Variants in MAP3K20 observed in about 807,000 individuals in gnomAD.
MAP3K20 encodes HCCS-4.
A neutral mutation model predicts 85.7 loss-of-function variants in MAP3K20; 40 were observed. The observed-to-expected ratio is 0.47, with a 90% confidence interval of 0.36 to 0.61. The LOEUF (loss-of-function observed/expected upper bound fraction) is 0.61, where lower values mean the gene tolerates loss of function less well. MAP3K20 is among the 20% of genes least tolerant of loss of function. MAP3K20 has a pLI of 0.00. For synonymous variants in MAP3K20, 325 were observed against 327.7 expected, an observed-to-expected ratio of 0.99 and a Z score of 0.09; for missense variants, 817 against 961.7, an observed-to-expected ratio of 0.85 and a Z score of 1.99.
rs1022265394 is a variant in MAP3K20, at chr2:173,222,946, A to C, written c.987+5696A>C. The C allele has an allele frequency of 9.8e-5, 97 of 985,256 alleles. 1 individual carries two copies. In the African/African-American group the frequency reaches 1.5e-3, roughly 15 times the overall value. 61.0% of individuals were successfully genotyped at this position (985,256 alleles called of 1,614,324 possible). ...CTTTTTTCAAACTAAATTAGAAAGG[A>C]GTGTCATTATTTGACTGTTAAACCA... On this transcript the variant is annotated intron_variant, in intron 11 of 19. Transcript: ENST00000375213.
intron 10 of MAP3K20, chr2:173,214,461 C>T (rs541214277): frequency 3.9e-5 from 6 of 152,222 alleles, no homozygotes; most frequent in African/African-American, 7.2e-5. Context: ...TTGTGTTTCC[C>T]GTGGTGACCA....
intron 2 of MAP3K20, among the ~76,000 whole-genome samples, chr2:173,105,344 A>G (rs1687753992): frequency 6.6e-6 from 1 of 152,204 alleles, no homozygotes; most frequent in Non-Finnish European, 1.5e-5. Flanking sequence ...AAAATAATCA[A>G]GGACGTCTCA....
At chr2:173,202,891 G>A (rs1234601900) in intron 8 of MAP3K20, among the ~76,000 whole-genome samples, 1 of 152,160 alleles carries the variant, frequency 6.6e-6, no homozygotes, top group East Asian at 1.9e-4. Flanking sequence ...ATTCTGCAGA[G>A]TTCAGTGTAT....
At chr2:173,155,422 G>A (rs746731601) in intron 2 of MAP3K20, among the ~76,000 whole-genome samples, 1 of 152,194 alleles carries the variant, frequency 6.6e-6, no homozygotes, top group Non-Finnish European at 1.5e-5. Context: ...AGGTTTTGCT[G>A]TCTTGTTCAC....
chr2:173,110,815 C>T (rs1450686459), intron 2 of MAP3K20, among the ~76,000 whole-genome samples: 1 of 152,104 alleles, frequency 6.6e-6, no homozygotes, highest in East Asian at 1.9e-4. Flanking sequence ...TTTCTTTATC[C>T]ACTCGTTGAT....
At chr2:173,121,376 A>G (rs138885983) in intron 2 of MAP3K20, among the ~76,000 whole-genome samples, 1 of 152,262 alleles carries the variant, frequency 6.6e-6, no homozygotes, top group Non-Finnish European at 1.5e-5. Flanking sequence ...GAAACATTAC[A>G]GGCAGGGAAA....
chr2:173,261,351 C>T (rs1382041973), intron 18 of MAP3K20, among the ~76,000 whole-genome samples: 4 of 152,152 alleles, frequency 2.6e-5, no homozygotes, highest in African/African-American at 4.8e-5. Context: ...ACCCAGATAG[C>T]GACTGAGGTA....
At chr2:173,086,347 G>A (rs867561084) in intron 1 of MAP3K20, among the ~76,000 whole-genome samples, 8 of 151,980 alleles carry the variant, frequency 5.3e-5, no homozygotes, top group Middle Eastern at 3.2e-3. Flanking sequence ...GATTCTTAAA[G>A]GAGAGAAAAC....
chr2:173,144,339 T>A (rs1048411199), intron 2 of MAP3K20, among the ~76,000 whole-genome samples: 2 of 151,378 alleles, frequency 1.3e-5, no homozygotes, highest in Admixed American at 1.3e-4. Context: ...GGTGGGCACC[T>A]GTAGTCCCAG....
intron 8 of MAP3K20, among the ~76,000 whole-genome samples, chr2:173,199,668 T>TG (rs1479633824): frequency 6.7e-6 from 1 of 150,316 alleles, no homozygotes; most frequent in East Asian, 1.9e-4. Context: ...GGTTGTTTTT[T>TG]TTTTTTTTTC....
chr2:173,142,133 A>G (rs1688991335), intron 2 of MAP3K20, among the ~76,000 whole-genome samples: 1 of 152,204 alleles, frequency 6.6e-6, no homozygotes, highest in South Asian at 2.1e-4. Flanking sequence ...GCTAAAAGGA[A>G]AGTTGCAGTG....
chr2:173,191,528 A>C (rs1690650759), intron 7 of MAP3K20, among the ~76,000 whole-genome samples: 1 of 152,200 alleles, frequency 6.6e-6, no homozygotes, highest in African/African-American at 2.4e-5. Context: ...AATGTGGATC[A>C]TTTGGAACAG....
At chr2:173,225,925 A>G (rs967059283) in intron 11 of MAP3K20, 5 of 985,070 alleles carry the variant, frequency 5.1e-6, no homozygotes, top group Non-Finnish European at 6.0e-6. Flanking sequence ...AAAAAAGAAA[A>G]AAAACTCATT....
intron 16 of MAP3K20, among the ~76,000 whole-genome samples, chr2:173,241,477 G>A (rs1013514518): frequency 1.2e-4 from 19 of 152,098 alleles, no homozygotes; most frequent in African/African-American, 4.1e-4. Flanking sequence ...GCTGGGTGTA[G>A]TCGTGTAAGC....
At chr2:173,223,533 C>G in intron 11 of MAP3K20, 2 of 985,322 alleles carry the variant, frequency 2.0e-6, no homozygotes, top group Non-Finnish European at 2.4e-6. Flanking sequence ...AATATTTTCT[C>G]TGTAGTATGA....
rs528009308 is a variant in MAP3K20, at chr2:173,255,260, T to C, written c.1360-3439T>C. On this transcript the variant is annotated intron_variant, in intron 16 of 19. Coordinates refer to ENST00000375213, the MANE Select transcript of MAP3K20 (RefSeq NM_016653.3). ...GTATCAACGAAATCTCTGGTCCTTC[T>C]TCCGCCTGCCTGTTGTCCATGGCTG... is the stretch of plus-strand genomic sequence containing the variant. Among the ~76,000 whole-genome samples, 199 of 152,330 alleles carry C rather than the reference T, an allele frequency of 1.3e-3. 2 individuals are homozygous for C. The highest frequency in any genetic ancestry group is 4.2e-3 in the African/African-American group (176 of 41,562).
chr2:173,154,279 G>A (rs1328829853), intron 2 of MAP3K20, among the ~76,000 whole-genome samples: 1 of 152,152 alleles, frequency 6.6e-6, no homozygotes, highest in Non-Finnish European at 1.5e-5. Context: ...TGCCTCCCAG[G>A]TTCAAGCAAT....
chr2:173,138,858 A>G (rs905539645), intron 2 of MAP3K20, among the ~76,000 whole-genome samples: 7 of 152,234 alleles, frequency 4.6e-5, no homozygotes, highest in Non-Finnish European at 5.9e-5. Flanking sequence ...TGGTACTTCT[A>G]TCAGCTAGGG....
At chr2:173,078,099 A>G (rs191869604) in intron 1 of MAP3K20, among the ~76,000 whole-genome samples, 5 of 152,350 alleles carry the variant, frequency 3.3e-5, no homozygotes, top group Non-Finnish European at 7.3e-5. Flanking sequence ...TGTAAGGTGA[A>G]GCTATTAGTG....
Sources: gnomAD v4.1 joint callset for allele counts (sites outside exome capture counted in the v4.1 genomes callset) on GRCh38, gnomAD v4.1.1 for gene constraint, MANE v1.5 for transcripts, NCBI Gene and HGNC (gene_info 2026-07-23, HGNC 2026-07-21) for gene names.